Variants in CLDN15 observed in about 807,000 individuals in gnomAD.
CLDN15 encodes the protein claudin 15.
CLDN15 carries 9 observed loss-of-function variants against 24.5 expected under a neutral mutation model. The ratio of observed to expected loss-of-function variants is 0.37; its 90% confidence interval spans 0.22 to 0.64. The LOEUF (loss-of-function observed/expected upper bound fraction) is 0.64. CLDN15 is among the 30% of genes least tolerant of loss of function. The pLI, the probability that CLDN15 is intolerant of heterozygous loss-of-function variation, is 0.63. For synonymous variants in CLDN15, 149 were observed against 131.4 expected (o/e 1.13, Z -0.92); for missense variants, 248 against 305.9 (o/e 0.81, Z 1.41).
At chr7:101,233,915 T>C (rs1798570514) in intron 2 of CLDN15, 2 of 393,706 alleles carry the variant, frequency 5.1e-6, no homozygotes, top group Non-Finnish European at 1.0e-5. Flanking sequence ...TGAGCCACCA[T>C]GCCCCGTGGT....
chr7:101,232,546 G>A (rs879087752), intron 4 of CLDN15, 31 bp from the exon 5 acceptor site: 31 of 1,595,630 alleles, frequency 1.9e-5, no homozygotes, highest in Admixed American at 1.2e-4. Flanking sequence ...CAGAGCGGGG[G>A]CGCGGCCCTC....
At chr7:101,238,401 CTG>C (rs2116843542), upstream of CLDN15, 1 of 152,612 alleles carries the variant, frequency 6.6e-6, no homozygotes, top group East Asian at 1.9e-4. Context: ...GTGGTGAGAA[CTG>C]GGACCAGGGG....
rs779447916 is a variant in CLDN15, at chr7:101,234,158, C to T, written c.382+120G>A. On this transcript the variant is annotated intron_variant, in intron 2 of 4. Transcript: ENST00000308344. ...AGGCAGGGGTGAGCAGGTGTCCATG[C>T]AGCAGGGTAGGGGAGGTGAGCATGA... is the stretch of plus-strand genomic sequence containing the variant. 3.5e-6 allele frequency: 3 copies of T among 855,274 alleles called. No homozygotes were observed. In the African/African-American group the frequency reaches 4.9e-5, roughly 14 times the overall value. The allele number at this position is 855,274 out of a possible 1,614,324, so 53.0% of individuals were successfully genotyped here.
intron 2 of CLDN15, among the ~76,000 whole-genome samples, chr7:101,233,358 C>T (rs1798540299): frequency 6.6e-6 from 1 of 152,154 alleles, no homozygotes; most frequent in African/African-American, 2.4e-5. Context: ...GGGCTAGCAC[C>T]ACCCTACTCA....
chr7:101,233,274 CCCTTGAAA>C (rs1262189200), intron 2 of CLDN15, among the ~76,000 whole-genome samples: 2 of 152,038 alleles, frequency 1.3e-5, no homozygotes, highest in Non-Finnish European at 2.9e-5. Context: ...ATCCCGCCCA[CCCTTGAAA>C]CCTTGAAAAC....
At position 101,232,171 on chromosome 7, in the gene CLDN15, C is replaced by T; in HGVS notation, c.*239G>A. On this transcript the variant is annotated 3_prime_UTR_variant, in exon 5 of 5. Coordinates refer to ENST00000308344, the MANE Select transcript of CLDN15 (RefSeq NM_014343.3). Reference sequence around the variant, plus strand: ...TGCGGGGACACCGTCCCCTTCACAGCCCAGAACCCAGGGTCAGAAGATGAG... The same window carrying T: ...TGCGGGGACACCGTCCCCTTCACAGTCCAGAACCCAGGGTCAGAAGATGAG... The T allele has an allele frequency of 1.9e-6, 1 of 524,054 alleles. No individual in the cohort carries two copies. Among genetic ancestry groups the T allele is most frequent in the Non-Finnish European group, 3.4e-6 (1 of 295,854 alleles). The allele number at this position is 524,054 out of a possible 1,614,324, so 32.5% of individuals were successfully genotyped here.
intron 1 of CLDN15, among the ~76,000 whole-genome samples, chr7:101,235,686 CG>C (rs1278600320): frequency 6.6e-6 from 1 of 152,062 alleles, no homozygotes; most frequent in East Asian, 1.9e-4. Context: ...GGTGCAGAGT[CG>C]GGGGGTAGGC....
At chr7:101,236,831 C>G (rs1319884520) in intron 1 of CLDN15, 3 of 1,290,918 alleles carry the variant, frequency 2.3e-6, no homozygotes, top group Non-Finnish European at 1.0e-6. Flanking sequence ...TTATAGACAT[C>G]AGCCGGACAA....
chr7:101,236,299 A>G (rs1296153202), intron 1 of CLDN15, among the ~76,000 whole-genome samples: 1 of 151,850 alleles, frequency 6.6e-6, no homozygotes, highest in Non-Finnish European at 1.5e-5. Context: ...AGTCAGTCCT[A>G]GAGAGATGGA....
intron 2 of CLDN15, 156 bp downstream of exon 2, chr7:101,234,122 G>A: frequency 3.9e-6 from 3 of 769,522 alleles, no homozygotes; most frequent in Non-Finnish European, 7.0e-6. Flanking sequence ...GAGATCTGGG[G>A]AGTACAGATG....
chr7:101,234,601 G>GT, intron 1 of CLDN15, among the ~76,000 whole-genome samples, 159 bp from the exon 2 acceptor site: 1 of 151,958 alleles, frequency 6.6e-6, no homozygotes, highest in East Asian at 1.9e-4. Flanking sequence ...TAATTTTTCT[G>GT]TTTTTAGTAG....
chr7:101,232,397 C>G lies in CLDN15; in HGVS notation c.*13G>C. 1 of 1,584,870 alleles carries G rather than the reference C, an allele frequency of 6.3e-7. No individual in the cohort carries two copies. The stretch of plus-strand genomic sequence containing the variant: ...GGCAGTGGGAAGACAGCGGGGCCCA[C>G]GGGCCAGAGCTGCTACACGTAGGCG... On this transcript the variant is annotated 3_prime_UTR_variant, in exon 5 of 5. Coordinates refer to ENST00000308344, the MANE Select transcript of CLDN15 (RefSeq NM_014343.3).
At chr7:101,232,977 G>A in intron 2 of CLDN15, 63 bp from the exon 3 acceptor site, 5 of 1,188,672 alleles carry the variant, frequency 4.2e-6, no homozygotes, top group Non-Finnish European at 6.2e-6. Flanking sequence ...AGGGGGCTTA[G>A]GGGAGAGGCA....
chr7:101,234,131 T>C, intron 2 of CLDN15, 147 bp downstream of exon 2: 1 of 786,136 alleles, frequency 1.3e-6, no homozygotes, highest in Non-Finnish European at 2.3e-6. Context: ...GGAGTACAGA[T>C]GAGGCAGGGG....
rs759319996 is a variant in CLDN15, at chr7:101,232,454, C to T, written c.643G>A (p.Gly215Ser). ...VMPVATSDQE[G>S]DSSFGKYGRN... ...CCGTATTTGCCAAAGCTGCTGTCGC[C>T]TTCTTGGTCCGAGGTGGCGACGGGC... The change falls in exon 5 of 5, where the codon GGC (glycine) becomes AGC (serine). Residue 215 changes from glycine to serine, a missense_variant. Physicochemically the swap from Gly to Ser is moderately conservative, Grantham distance 56 (BLOSUM62 0). Coordinates refer to ENST00000308344, the MANE Select transcript of CLDN15 (RefSeq NM_014343.3). 7 of 1,613,562 alleles carry T rather than the reference C, an allele frequency of 4.3e-6. No individual in the cohort carries two copies. In the Admixed American group the frequency reaches 1.2e-4, roughly 27 times the overall value.
intron 1 of CLDN15, chr7:101,236,934 C>T: frequency 1.6e-6 from 1 of 639,686 alleles, no homozygotes; most frequent in Non-Finnish European, 2.5e-6. Context: ...CCTCCTCCCC[C>T]TGCCCACCCC....
intron 2 of CLDN15, 59 bp from the exon 3 acceptor site, chr7:101,232,973 C>A (rs1212663636): frequency 8.8e-6 from 10 of 1,141,496 alleles, no homozygotes; most frequent in African/African-American, 1.5e-5. Flanking sequence ...GGGGAGGGGG[C>A]TTAGGGGAGA....
chr7:101,234,813 C>T (rs77731918), intron 1 of CLDN15, among the ~76,000 whole-genome samples: 4,589 of 152,156 alleles, frequency 0.03, 91 homozygotes, highest in Middle Eastern at 0.055. Context: ...GTTGCAGTCA[C>T]CCTTCCCTCC....
chr7:101,232,489 A>G lies in CLDN15; in HGVS notation c.608T>C (p.Val203Ala), dbSNP rs149925321. Residue 203 changes from valine to alanine, a missense_variant, in exon 5 of 5, where the codon GTG (valine) becomes GCG (alanine). Physicochemically the swap from Val to Ala is moderately conservative, Grantham distance 64 (BLOSUM62 0). Transcript: ENST00000308344. ...ASARRPYQAP[V>A]SVMPVATSDQ... ...CGAGGTGGCGACGGGCATCACGGAC[A>G]CTGGAGCCTGGTAGGGCCGCCGGGC... The G allele has an allele frequency of 9.4e-5, 152 of 1,613,328 alleles. No individual in the cohort carries two copies. The highest frequency in any genetic ancestry group is 1.8e-4 in the Admixed American group (11 of 59,992).
Sources: gnomAD v4.1 joint callset for allele counts (sites outside exome capture counted in the v4.1 genomes callset) on GRCh38, gnomAD v4.1.1 for gene constraint, MANE v1.5 for transcripts, NCBI Gene and HGNC (gene_info 2026-07-23, HGNC 2026-07-21) for gene names.